The following GRIK1 variants were observed in gnomAD, a reference collection of about 807,000 sequenced individuals.
GRIK1 encodes the protein glutamate receptor ionotropic, kainate 1.
In GRIK1, 69 loss-of-function variants were observed where a neutral mutation model predicts 105.7. The observed-to-expected ratio is 0.65, with a 90% CI of 0.54 to 0.80. GRIK1 has a LOEUF of 0.80. Ranked by LOEUF, GRIK1 falls within the 30% of genes least tolerant of loss-of-function variation. The pLI is 0.00. For synonymous variants in GRIK1, 438 were observed against 431.3 expected, an observed-to-expected ratio of 1.02 and a Z score of -0.19; for missense variants, 1,109 against 1,167.3, an observed-to-expected ratio of 0.95 and a Z score of 0.73.
At chr21:29,720,966 G>A (rs182966379) in intron 1 of GRIK1, among the ~76,000 whole-genome samples, 3 of 151,874 alleles carry the variant, frequency 2.0e-5, no homozygotes, top group Admixed American at 1.3e-4. Context: ...TCCTATCACC[G>A]GAGAGGAGAC....
intron 3 of GRIK1, among the ~76,000 whole-genome samples, chr21:29,684,734 T>C (rs1265507231): frequency 6.6e-6 from 1 of 152,110 alleles, no homozygotes; most frequent in East Asian, 1.9e-4. Context: ...ATGGTCTCGA[T>C]CTCCTGACCT....
intron 1 of GRIK1, among the ~76,000 whole-genome samples, chr21:29,851,905 C>T (rs1309637102): frequency 6.6e-6 from 1 of 152,206 alleles, no homozygotes. Context: ...CAAATCTGCA[C>T]TGACTCCTGG....
chr21:29,939,356 C>G, intron 1 of GRIK1, 27 bp downstream of exon 1: 10 of 1,327,166 alleles, frequency 7.5e-6, no homozygotes, highest in Non-Finnish European at 1.1e-5. Flanking sequence ...CCACGTCTCC[C>G]GAGCAGGCAG....
chr21:29,843,206 GC>G (rs2068027826), intron 1 of GRIK1, among the ~76,000 whole-genome samples: 1 of 152,114 alleles, frequency 6.6e-6, no homozygotes, highest in African/African-American at 2.4e-5. Flanking sequence ...GGTTGCTAAT[GC>G]CCTCCAGAGA....
At chr21:29,622,710 C>G (rs1302308836) in intron 7 of GRIK1, among the ~76,000 whole-genome samples, 1 of 152,152 alleles carries the variant, frequency 6.6e-6, no homozygotes, top group Non-Finnish European at 1.5e-5. Context: ...TTTGATTTCT[C>G]CTAGTTTCTT....
At chr21:29,828,582 T>G (rs368973) in intron 1 of GRIK1, among the ~76,000 whole-genome samples, 139,150 of 152,004 alleles carry the variant, frequency 0.92, 63,829 homozygotes, top group Admixed American at 0.95. Context: ...GTTTATTGCA[T>G]GCTTGACCTC....
chr21:29,693,664 G>A (rs1351698043), intron 2 of GRIK1, among the ~76,000 whole-genome samples: 1 of 152,146 alleles, frequency 6.6e-6, no homozygotes, highest in Non-Finnish European at 1.5e-5. Flanking sequence ...GTTAATCATA[G>A]AGTGGAGGGC....
At chr21:29,775,326 A>T (rs2065915773) in intron 1 of GRIK1, among the ~76,000 whole-genome samples, 2 of 151,386 alleles carry the variant, frequency 1.3e-5, no homozygotes, top group Admixed American at 1.3e-4. Context: ...TTGTCAATAG[A>T]TGGCCTTAAA....
At chr21:29,614,197 C>G (rs1028878920) in intron 7 of GRIK1, among the ~76,000 whole-genome samples, 1 of 152,090 alleles carries the variant, frequency 6.6e-6, no homozygotes, top group African/African-American at 2.4e-5. Flanking sequence ...CTGAAGGAGG[C>G]CTGTAAGTAC....
At chr21:29,647,163 A>C (rs951575388) in intron 6 of GRIK1, among the ~76,000 whole-genome samples, 1 of 152,130 alleles carries the variant, frequency 6.6e-6, no homozygotes, top group African/African-American at 2.4e-5. Context: ...TTTATTGACT[A>C]CAAATGGGCA....
chr21:29,683,437 T>C (rs1276612032), intron 3 of GRIK1, among the ~76,000 whole-genome samples: 2 of 152,214 alleles, frequency 1.3e-5, no homozygotes, highest in Admixed American at 6.5e-5. Flanking sequence ...CAGAATACTA[T>C]GCAGCTATAA....
At chr21:29,812,973 A>C (rs751429250) in intron 1 of GRIK1, among the ~76,000 whole-genome samples, 13 of 152,130 alleles carry the variant, frequency 8.5e-5, no homozygotes, top group Non-Finnish European at 1.8e-4. Context: ...GGAAGATAAG[A>C]TATTCTGGGT....
At chr21:29,678,091 C>A (rs2063306665) in intron 3 of GRIK1, among the ~76,000 whole-genome samples, 2 of 152,182 alleles carry the variant, frequency 1.3e-5, no homozygotes, top group South Asian at 4.1e-4. Flanking sequence ...TTATAAACCA[C>A]TGGGACCCAA....
Position 29,587,604 on chromosome 21 carries a change from C to A in GRIK1, c.1570-15G>T, listed in dbSNP as rs762535168. 2.0e-6 allele frequency: 3 copies of A among 1,510,088 alleles called. No individual in the cohort carries two copies. The highest frequency in any genetic ancestry group is 3.4e-5 in the Admixed American group (2 of 59,202). The allele number at this position is 1,510,088 out of a possible 1,614,324, so 93.5% of individuals were successfully genotyped here. A position where few individuals can be genotyped will look rare whatever the true frequency, so the allele number is the denominator to read the frequency against. ...AGGTCAGCCCTCTGCAAAAGCAAGT[C>A]CAAAATTGTCAGCTTAGTCTAGTTT... On this transcript the variant is annotated splice_polypyrimidine_tract_variant and intron_variant, in intron 11 of 17. Transcript: ENST00000327783.
intron 1 of GRIK1, among the ~76,000 whole-genome samples, chr21:29,924,264 G>T (rs2071281696): frequency 6.6e-6 from 1 of 151,274 alleles, no homozygotes; most frequent in Non-Finnish European, 1.5e-5. Flanking sequence ...TTGAACCCGG[G>T]AGGTGGACGT....
intron 1 of GRIK1, among the ~76,000 whole-genome samples, chr21:29,735,506 A>G (rs892090013): frequency 2.0e-5 from 3 of 152,162 alleles, no homozygotes; most frequent in African/African-American, 4.8e-5. Context: ...GGTTTGGAAC[A>G]ACTTATATAT....
intron 1 of GRIK1, among the ~76,000 whole-genome samples, chr21:29,757,810 C>T (rs990128680): frequency 1.3e-5 from 2 of 152,200 alleles, no homozygotes; most frequent in South Asian, 2.1e-4. Context: ...GGCCTCTACC[C>T]ATTAATGCCA....
chr21:29,892,976 C>T (rs1404814579), intron 1 of GRIK1, among the ~76,000 whole-genome samples: 5 of 152,256 alleles, frequency 3.3e-5, no homozygotes, highest in African/African-American at 7.2e-5. Context: ...GAGTTCGAGA[C>T]CAGCATGAGC....
rs111329761 is a variant in GRIK1 at position 29,617,546 on chromosome 21, G to A, written c.1099-18609C>T. On this transcript the variant is annotated intron_variant, in intron 7 of 17. Transcript: ENST00000327783. ...CCTCTAACAGGACTTCCACCCAACC[G>A]CCATACATCCCCCAGGTACCCGGGC... Among the ~76,000 whole-genome samples the A allele has an allele frequency of 4.2e-4, 64 of 152,246 alleles. No individual in the cohort carries two copies. The East Asian group carries it at 6.7e-3, about 16-fold the overall frequency.
Sources: gnomAD v4.1 joint callset for allele counts (sites outside exome capture counted in the v4.1 genomes callset) on GRCh38, gnomAD v4.1.1 for gene constraint, MANE v1.5 for transcripts, NCBI Gene and HGNC (gene_info 2026-07-23, HGNC 2026-07-21) for gene names.